Variants in ZNF618 observed in about 807,000 individuals in gnomAD.
ZNF618 encodes the protein zinc finger protein 618.
Under a neutral mutation model 103.0 loss-of-function variants are expected in ZNF618, and 34 were observed. The ratio of observed to expected loss-of-function variants is 0.33; its 90% CI spans 0.25 to 0.44. ZNF618 has a LOEUF of 0.44. Ranked by LOEUF, ZNF618 falls within the 20% of genes least tolerant of loss-of-function variation. ZNF618 has a pLI of 1.00. For synonymous variants in ZNF618, 551 were observed against 542.2 expected, an observed-to-expected ratio of 1.02 and a Z score of -0.23; for missense variants, 1,059 against 1,295.4, an observed-to-expected ratio of 0.82 and a Z score of 2.80.
chr9:113,964,252 A>C (rs1837148486), intron 1 of ZNF618, among the ~76,000 whole-genome samples: 1 of 152,132 alleles, frequency 6.6e-6, no homozygotes, highest in East Asian at 1.9e-4. Context: ...TCTCTTATCG[A>C]AGAAAGGCAT....
At chr9:114,020,223 T>C (rs1001177574) in intron 10 of ZNF618, among the ~76,000 whole-genome samples, 1 of 152,166 alleles carries the variant, frequency 6.6e-6, no homozygotes, top group Non-Finnish European at 1.5e-5. Context: ...TACTTATAGC[T>C]CTCTAGTAAG....
intron 1 of ZNF618, among the ~76,000 whole-genome samples, chr9:113,885,043 T>TAAG (rs1298657898): frequency 1.3e-5 from 2 of 152,184 alleles, no homozygotes; most frequent in Non-Finnish European, 2.9e-5. Context: ...CTTGGGGTTG[T>TAAG]CATCAAAGCA....
chr9:113,951,906 G>C (rs2132346132), intron 1 of ZNF618, among the ~76,000 whole-genome samples: 1 of 152,172 alleles, frequency 6.6e-6, no homozygotes, highest in East Asian at 1.9e-4. Flanking sequence ...AAAGCCTGGG[G>C]TGGAGACTTG....
At chr9:113,897,557 GT>G (rs1208675251) in intron 1 of ZNF618, among the ~76,000 whole-genome samples, 1 of 152,030 alleles carries the variant, frequency 6.6e-6, no homozygotes, top group African/African-American at 2.4e-5. Flanking sequence ...GAAATGTTTT[GT>G]TCCATATGTC....
chr9:114,049,123 G>T lies in ZNF618; in HGVS notation c.1821G>T (p.Val607=). The change falls in exon 15 of 15, where the codon GTG becomes GTT. Residue 607 remains valine (V), a synonymous_variant. Transcript: ENST00000374126. ...TGCAGAACGTGCTGTCGGAGTTCGT[G>T]ATGTCGGAGATCAGGACAGTGTACG... ...HWVQNVLSEF[V]MSEIRTVYVT... is the part of the protein sequence containing the mutation. 1 of 1,613,856 alleles carries T rather than the reference G, an allele frequency of 6.2e-7. No individual in the cohort carries two copies. The highest frequency in any genetic ancestry group is 2.2e-5 in the East Asian group (1 of 44,884).
intron 2 of ZNF618, among the ~76,000 whole-genome samples, chr9:113,969,819 G>A (rs1424652334): frequency 6.6e-6 from 1 of 152,210 alleles, no homozygotes; most frequent in Non-Finnish European, 1.5e-5. Flanking sequence ...GGTAGAGCAA[G>A]GCTGGAACGG....
At chr9:113,950,937 G>A (rs554922058) in intron 1 of ZNF618, among the ~76,000 whole-genome samples, 3 of 151,532 alleles carry the variant, frequency 2.0e-5, no homozygotes, top group South Asian at 2.1e-4. Flanking sequence ...GGGTGGCCTC[G>A]GTGGGAGCTG....
At chr9:114,004,197 G>A (rs1279669352) in intron 6 of ZNF618, among the ~76,000 whole-genome samples, 4 of 152,210 alleles carry the variant, frequency 2.6e-5, no homozygotes, top group Admixed American at 1.3e-4. Context: ...CATCCACTCC[G>A]TTTGGATTCT....
intron 2 of ZNF618, among the ~76,000 whole-genome samples, chr9:113,975,101 A>G (rs997876899): frequency 1.3e-5 from 2 of 152,094 alleles, no homozygotes; most frequent in Non-Finnish European, 2.9e-5. Flanking sequence ...TGGGGTGGCA[A>G]TTGATTCCTT....
intron 11 of ZNF618, among the ~76,000 whole-genome samples, chr9:114,030,249 C>CA (rs1254631069): frequency 3.9e-5 from 6 of 152,286 alleles, no homozygotes; most frequent in Admixed American, 1.3e-4. Flanking sequence ...GGAGAGTAGT[C>CA]AGTCAGCCTT....
chr9:113,992,366 T>C (rs547890922), intron 3 of ZNF618, among the ~76,000 whole-genome samples: 1 of 152,298 alleles, frequency 6.6e-6, no homozygotes, highest in Admixed American at 6.5e-5. Flanking sequence ...ATGAAGGGCC[T>C]ACCACAACAC....
Position 113,980,805 on chromosome 9 carries a change from G to C in ZNF618, c.78-7516G>C, listed in dbSNP as rs548461679. Among the ~76,000 whole-genome samples the C allele has an allele frequency of 2.0e-5, 3 of 152,336 alleles. No individual in the cohort carries two copies. In the South Asian group the frequency reaches 6.2e-4, roughly 32 times the overall value. The stretch of plus-strand genomic sequence containing the variant: ...GATGGAGGAGAGGCAGGCCATGTTA[G>C]AGGCTGCTGCTAGAGGCAGAGTCCG... On this transcript the variant is annotated intron_variant, in intron 2 of 14. Coordinates refer to ENST00000374126, the MANE Select transcript of ZNF618 (RefSeq NM_001318042.2).
intron 1 of ZNF618, among the ~76,000 whole-genome samples, chr9:113,907,324 C>A (rs1232751419): frequency 6.6e-6 from 1 of 152,214 alleles, no homozygotes; most frequent in East Asian, 1.9e-4. Flanking sequence ...CCCCTTTGGC[C>A]TCTAGAGCAA....
At chr9:113,950,819 G>A (rs1462057416) in intron 1 of ZNF618, among the ~76,000 whole-genome samples, 1 of 152,052 alleles carries the variant, frequency 6.6e-6, no homozygotes, top group Non-Finnish European at 1.5e-5. Context: ...GTTCCCTGGT[G>A]GAAGGGATGT....
intron 13 of ZNF618, among the ~76,000 whole-genome samples, chr9:114,043,151 G>T (rs968940340): frequency 7.9e-5 from 12 of 152,212 alleles, no homozygotes; most frequent in African/African-American, 2.9e-4. Flanking sequence ...TAGATCTCCA[G>T]TTCGGGGCTA....
At chr9:113,947,550 A>G (rs1226016178) in intron 1 of ZNF618, among the ~76,000 whole-genome samples, 1 of 152,200 alleles carries the variant, frequency 6.6e-6, no homozygotes, top group Non-Finnish European at 1.5e-5. Flanking sequence ...GGAACCTTCC[A>G]GCTCCTACAG....
At chr9:114,002,127 C>T (rs1207843551) in intron 5 of ZNF618, 54 bp downstream of exon 5, 7 of 1,545,474 alleles carry the variant, frequency 4.5e-6, no homozygotes, top group Non-Finnish European at 6.2e-6. Flanking sequence ...CCACTGTCTG[C>T]CTGTTTCCCA....
intron 1 of ZNF618, among the ~76,000 whole-genome samples, chr9:113,938,160 C>T (rs2131991473): frequency 7.1e-6 from 1 of 140,944 alleles, no homozygotes; most frequent in East Asian, 2.1e-4. Context: ...AAGCTTCAGG[C>T]TCCTGTTTTT....
chr9:114,011,808 A>G (rs1886130), intron 9 of ZNF618, among the ~76,000 whole-genome samples: 151,971 of 152,320 alleles, frequency 1, 75,817 homozygotes, highest in East Asian at 1. Flanking sequence ...ATGACAGAGC[A>G]GAGAATCCTG....
Sources: allele counts gnomAD v4.1 joint callset (sites outside exome capture counted in the v4.1 genomes callset), GRCh38; gene constraint gnomAD v4.1.1; transcripts MANE v1.5; gene names NCBI Gene and HGNC (gene_info 2026-07-23, HGNC 2026-07-21).